AKAP3: variants seen among roughly 807,000 people sequenced by gnomAD.
AKAP3 encodes A-kinase anchor protein 3.
AKAP3 carries 27 observed loss-of-function variants against 57.2 expected under a neutral mutation model. That is an observed-to-expected ratio of 0.47 (90% CI 0.35 to 0.65). The LOEUF (loss-of-function observed/expected upper bound fraction) is 0.65. AKAP3 is among the 30% of genes least tolerant of loss of function. AKAP3 has a pLI of 0.01. For synonymous variants in AKAP3, 334 were observed against 392.3 expected (o/e 0.85, Z 1.76); for missense variants, 959 against 1,040.0 (o/e 0.92, Z 1.07).
intron 4 of AKAP3, among the ~76,000 whole-genome samples, chr12:4,637,723 A>G (rs1228030415): frequency 1.3e-5 from 2 of 152,168 alleles, no homozygotes; most frequent in Admixed American, 6.5e-5. Flanking sequence ...GGCATCCTAC[A>G]CTTTAGAAAA....
intron 5 of AKAP3, among the ~76,000 whole-genome samples, chr12:4,624,265 A>G (rs562514387): frequency 3.4e-4 from 52 of 152,092 alleles, no homozygotes; most frequent in African/African-American, 1.3e-3. Flanking sequence ...TGGCAACTCT[A>G]TATGTTGCAG....
chr12:4,636,176 A>C, intron 4 of AKAP3: 1 of 592,826 alleles, frequency 1.7e-6, no homozygotes, highest in Non-Finnish European at 3.0e-6. Flanking sequence ...CACATTTGAA[A>C]TAAGTCCCTA....
chr12:4,618,534 C>T (rs1945311902), intron 5 of AKAP3, among the ~76,000 whole-genome samples: 1 of 152,208 alleles, frequency 6.6e-6, no homozygotes, highest in Admixed American at 6.5e-5. Flanking sequence ...AGGAGAAAAT[C>T]TTCATGGCCT....
At chr12:4,619,722 T>C (rs1002252425) in intron 5 of AKAP3, among the ~76,000 whole-genome samples, 3 of 152,232 alleles carry the variant, frequency 2.0e-5, no homozygotes, top group African/African-American at 7.2e-5. Flanking sequence ...TGAATGCTCA[T>C]AGTCGCATTA....
intron 5 of AKAP3, among the ~76,000 whole-genome samples, chr12:4,617,731 AAC>A (rs1283951860): frequency 6.7e-6 from 1 of 150,150 alleles, no homozygotes; most frequent in African/African-American, 2.4e-5. Context: ...CAGCCTGAGC[AAC>A]AGAGTGAGAT....
intron 4 of AKAP3, among the ~76,000 whole-genome samples, chr12:4,630,884 A>G (rs1945489577): frequency 6.6e-6 from 1 of 152,180 alleles, no homozygotes; most frequent in Admixed American, 6.5e-5. Context: ...GTTCCTTGTT[A>G]ATGAGTTAAA....
At chr12:4,633,594 A>T (rs1945526437) in intron 4 of AKAP3, among the ~76,000 whole-genome samples, 1 of 151,838 alleles carries the variant, frequency 6.6e-6, no homozygotes, top group Non-Finnish European at 1.5e-5. Flanking sequence ...CTCTTCTTAC[A>T]CAACTATAGT....
rs374391591 is a variant in AKAP3, at chr12:4,627,107, G to A, written c.1795C>T (p.Arg599Trp). Residue 599 changes from arginine (R) to tryptophan (W), a missense_variant, in exon 5 of 6, where the codon CGG becomes TGG. By Grantham distance (101) the Arg-to-Trp change is moderately radical (BLOSUM62 -3). Coordinates refer to ENST00000228850, the MANE Select transcript of AKAP3 (RefSeq NM_001278309.2). ...DLRSVFFNFIRNLLSETIFKR... is the reference protein window; with the variant it reads ...DLRSVFFNFIWNLLSETIFKR... ...AAAATGGTCTCACTAAGTAAGTTCC[G>A]GATGAAATTAAAGAAAACACTCCTT... is the stretch of plus-strand genomic sequence containing the variant. 176 of 1,614,096 alleles carry A rather than the reference G, an allele frequency of 1.1e-4. 1 individual carries two copies. Among genetic ancestry groups the A allele is most frequent in the Admixed American group, 5.2e-4 (31 of 60,008 alleles).
At chr12:4,629,770 T>C (rs1945474915) in intron 4 of AKAP3, among the ~76,000 whole-genome samples, 2 of 152,242 alleles carry the variant, frequency 1.3e-5, no homozygotes, top group Admixed American at 6.5e-5. Flanking sequence ...ATTACAAGTA[T>C]AGTTTCCAAA....
chr12:4,620,510 C>T (rs566696462), intron 5 of AKAP3, among the ~76,000 whole-genome samples: 1 of 150,016 alleles, frequency 6.7e-6, no homozygotes, highest in Non-Finnish European at 1.5e-5. Flanking sequence ...GATTGTAACC[C>T]TACTTCATAC....
chr12:4,646,182 G>A (rs545743603), intron 1 of AKAP3, among the ~76,000 whole-genome samples: 1 of 152,166 alleles, frequency 6.6e-6, no homozygotes, highest in African/African-American at 2.4e-5. Flanking sequence ...GAGGCATTTG[G>A]TTAGCTACTC....
chr12:4,617,300 G>C (rs1026913396), intron 5 of AKAP3, among the ~76,000 whole-genome samples: 3 of 152,188 alleles, frequency 2.0e-5, no homozygotes, highest in African/African-American at 7.2e-5. Flanking sequence ...AGAATTCATT[G>C]CCAGAAAATG....
chr12:4,624,479 T>A (rs1345298615), intron 5 of AKAP3, among the ~76,000 whole-genome samples: 1 of 151,946 alleles, frequency 6.6e-6, no homozygotes, highest in Non-Finnish European at 1.5e-5. Flanking sequence ...TGCATCCTTT[T>A]GTACTTTTGA....
At chr12:4,643,898 A>G (rs1945667147) in intron 2 of AKAP3, among the ~76,000 whole-genome samples, 1 of 152,258 alleles carries the variant, frequency 6.6e-6, no homozygotes, top group Admixed American at 6.5e-5. Flanking sequence ...AAGCGAAAGC[A>G]TAAGCAAAGT....
chr12:4,626,736 G>A lies in AKAP3; in HGVS notation c.2166C>T (p.Gly722=), dbSNP rs1370018968. Residue 722 remains glycine (G), a synonymous_variant, in exon 5 of 6, where the codon GGC becomes GGT. Transcript: ENST00000228850. ...GCAGGACAGCTTCTGCTGACCCTGT[G>A]CCCTTGGCTGGTAAGCACTCATATA... ...DSLYECLPAK[G]TGSAEAVLQN... is the part of the protein sequence containing the mutation. 57 of 1,613,958 alleles carry A rather than the reference G, an allele frequency of 3.5e-5. No homozygotes were observed. The highest frequency in any genetic ancestry group is 4.7e-5 in the Non-Finnish European group (55 of 1,180,004).
intron 4 of AKAP3, among the ~76,000 whole-genome samples, chr12:4,629,831 C>G (rs1057288612): frequency 1.3e-5 from 2 of 152,150 alleles, no homozygotes; most frequent in Non-Finnish European, 2.9e-5. Flanking sequence ...CTTTGCCAGG[C>G]TGCACAAACA....
At chr12:4,641,566 T>C (rs1199060285) in intron 3 of AKAP3, among the ~76,000 whole-genome samples, 1 of 152,224 alleles carries the variant, frequency 6.6e-6, no homozygotes, top group Non-Finnish European at 1.5e-5. Context: ...TGTTAATGCC[T>C]TGAAGTTAAA....
intron 5 of AKAP3, among the ~76,000 whole-genome samples, chr12:4,622,030 A>G (rs547086179): frequency 6.6e-6 from 1 of 152,292 alleles, no homozygotes; most frequent in East Asian, 1.9e-4. Context: ...CAATAAGAAA[A>G]TGGGCAGAAC....
chr12:4,646,859 T>C (rs896628399), intron 1 of AKAP3, among the ~76,000 whole-genome samples: 5 of 152,036 alleles, frequency 3.3e-5, no homozygotes, highest in African/African-American at 4.8e-5. Context: ...CTCGGCTCAC[T>C]GCAACCTCCG....
Sources: allele counts gnomAD v4.1 joint callset (sites outside exome capture counted in the v4.1 genomes callset), GRCh38; gene constraint gnomAD v4.1.1; transcripts MANE v1.5; gene names NCBI Gene and HGNC (gene_info 2026-07-23, HGNC 2026-07-21).